Variants in ROR2 observed in about 807,000 individuals in gnomAD.
ROR2 encodes the protein tyrosine-protein kinase transmembrane receptor ROR2.
A neutral mutation model predicts 74.9 loss-of-function variants in ROR2; 33 were observed. The observed-to-expected ratio is 0.44, with a 90% confidence interval of 0.33 to 0.59. ROR2 has a LOEUF of 0.59. Among genes scored for constraint, ROR2 ranks in the 20% least tolerant of loss-of-function variants. The probability of loss-of-function intolerance (pLI) is 0.02; values close to 1 mark genes in which losing one functional copy is unlikely to be tolerated. For synonymous variants in ROR2, 586 were observed against 558.7 expected (o/e 1.05, Z -0.69); for missense variants, 1,216 against 1,313.8 (o/e 0.93, Z 1.15).
intron 1 of ROR2, among the ~76,000 whole-genome samples, chr9:91,867,713 A>G (rs1320914711): frequency 8.5e-6 from 1 of 117,738 alleles, no homozygotes; most frequent in African/African-American, 3.4e-5. Flanking sequence ...TCTGACCCTA[A>G]GCAGATGTTG....
chr9:91,752,601 G>A (rs1033943181), intron 4 of ROR2, among the ~76,000 whole-genome samples: 1 of 152,176 alleles, frequency 6.6e-6, no homozygotes, highest in African/African-American at 2.4e-5. Context: ...GAAGTTGCAC[G>A]ACAGAGCCTG....
intron 1 of ROR2, among the ~76,000 whole-genome samples, chr9:91,937,780 C>T (rs60235289): frequency 0.23 from 35,433 of 152,122 alleles, 7,681 homozygotes; most frequent in African/African-American, 0.56. Flanking sequence ...GCAGTGATCA[C>T]AGCACTCACT....
intron 1 of ROR2, among the ~76,000 whole-genome samples, chr9:91,849,270 C>T (rs955412711): frequency 6.6e-6 from 1 of 152,200 alleles, no homozygotes; most frequent in Non-Finnish European, 1.5e-5. Context: ...TTGATTTCAA[C>T]ATGGAGAATC....
intron 1 of ROR2, among the ~76,000 whole-genome samples, chr9:91,927,417 C>T (rs562094664): frequency 9.9e-5 from 15 of 152,218 alleles, no homozygotes; most frequent in Non-Finnish European, 1.8e-4. Context: ...ACACAAACTC[C>T]AAAGCCAGAG....
chr9:91,818,281 T>C (rs1828011374), intron 1 of ROR2, among the ~76,000 whole-genome samples: 1 of 152,210 alleles, frequency 6.6e-6, no homozygotes. Flanking sequence ...TCCTATTCTT[T>C]GATATGCAAG....
intron 1 of ROR2, among the ~76,000 whole-genome samples, chr9:91,816,304 C>G (rs1262580331): frequency 6.6e-6 from 1 of 152,154 alleles, no homozygotes; most frequent in Admixed American, 6.5e-5. Context: ...CAGATCACAT[C>G]TCCTCCTTGC....
At chr9:91,921,729 G>A (rs12349258) in intron 1 of ROR2, among the ~76,000 whole-genome samples, 21,351 of 151,854 alleles carry the variant, frequency 0.14, 3,284 homozygotes, top group African/African-American at 0.39. Context: ...CAGGCGTGGC[G>A]GCGCACGCCT....
At position 91,906,007 on chromosome 9, in the gene ROR2, G is replaced by GA. The variant is rs76705916; in HGVS notation, c.97+43859dup. Among the ~76,000 whole-genome samples the GA allele has an allele frequency of 9.2e-3, 1,331 of 145,306 alleles. 7 individuals carry two copies. Among genetic ancestry groups the GA allele is most frequent in the Non-Finnish European group, 0.015 (988 of 65,236 alleles). The stretch of plus-strand genomic sequence containing the variant: ...AAACACCCCTTAAAGAGAATTCTTT[G>GA]AAAAAAAAAAACCACACACACACAC... On this transcript the variant is annotated intron_variant, in intron 1 of 8. Coordinates refer to ENST00000375708, the MANE Select transcript of ROR2 (RefSeq NM_004560.4).
At chr9:91,734,255 C>T (rs537924038) in intron 5 of ROR2, among the ~76,000 whole-genome samples, 4 of 152,222 alleles carry the variant, frequency 2.6e-5, no homozygotes, top group African/African-American at 9.6e-5. Context: ...CATCAGCCTG[C>T]CCTGGGCTCA....
intron 1 of ROR2, among the ~76,000 whole-genome samples, chr9:91,935,895 C>T (rs1249979074): frequency 6.6e-6 from 1 of 152,260 alleles, no homozygotes; most frequent in Non-Finnish European, 1.5e-5. Flanking sequence ...ACAGGATGCA[C>T]AGAGGTGCCC....
intron 1 of ROR2, among the ~76,000 whole-genome samples, chr9:91,928,582 T>A (rs1265407365): frequency 6.6e-6 from 1 of 152,230 alleles, no homozygotes; most frequent in Non-Finnish European, 1.5e-5. Context: ...CTGCCCCAGA[T>A]GAATCCAGAT....
At chr9:91,803,612 T>A (rs959892929) in intron 1 of ROR2, among the ~76,000 whole-genome samples, 1 of 152,164 alleles carries the variant, frequency 6.6e-6, no homozygotes, top group African/African-American at 2.4e-5. Flanking sequence ...AAAACCCACA[T>A]AGAACATTCC....
chr9:91,931,054 G>T (rs1163317796), intron 1 of ROR2, among the ~76,000 whole-genome samples: 1 of 151,956 alleles, frequency 6.6e-6, no homozygotes, highest in Non-Finnish European at 1.5e-5. Context: ...GGAGAAAAAA[G>T]GAGGCACTAA....
At chr9:91,832,804 C>A (rs1483850852) in intron 1 of ROR2, among the ~76,000 whole-genome samples, 1 of 152,204 alleles carries the variant, frequency 6.6e-6, no homozygotes, top group Non-Finnish European at 1.5e-5. Flanking sequence ...AGGTACACTC[C>A]TCAAATCACC....
chr9:91,778,596 A>T (rs1779858524), intron 1 of ROR2, among the ~76,000 whole-genome samples: 1 of 152,162 alleles, frequency 6.6e-6, no homozygotes, highest in Non-Finnish European at 1.5e-5. Context: ...TTCTGAGAGG[A>T]GATTCATCTG....
At chr9:91,883,895 A>T (rs1830195050) in intron 1 of ROR2, among the ~76,000 whole-genome samples, 1 of 151,988 alleles carries the variant, frequency 6.6e-6, no homozygotes, top group East Asian at 1.9e-4. Context: ...CCCCCTACCC[A>T]GGGCCCCTAT....
At chr9:91,924,899 C>A (rs1831358134) in intron 1 of ROR2, among the ~76,000 whole-genome samples, 1 of 152,168 alleles carries the variant, frequency 6.6e-6, no homozygotes, top group African/African-American at 2.4e-5. Flanking sequence ...TGCTGGAGTG[C>A]AGTGGCACAA....
At chr9:91,856,549 T>C (rs1384959951) in intron 1 of ROR2, among the ~76,000 whole-genome samples, 3 of 152,004 alleles carry the variant, frequency 2.0e-5, no homozygotes, top group Non-Finnish European at 4.4e-5. Context: ...GGAGAAGAGA[T>C]GACACAGACA....
intron 1 of ROR2, among the ~76,000 whole-genome samples, chr9:91,932,175 C>T (rs566592325): frequency 7.9e-5 from 12 of 151,860 alleles, no homozygotes; most frequent in Admixed American, 5.3e-4. Flanking sequence ...GCATGTGAAC[C>T]GAAGATTTAA....
Sources: allele counts gnomAD v4.1 joint callset (sites outside exome capture counted in the v4.1 genomes callset), GRCh38; gene constraint gnomAD v4.1.1; transcripts MANE v1.5; gene names NCBI Gene and HGNC (gene_info 2026-07-23, HGNC 2026-07-21).